The following STXBP5L variants were observed in gnomAD, a reference collection of about 807,000 sequenced individuals.
The protein encoded by STXBP5L is syntaxin-binding protein 5-like.
STXBP5L carries 65 observed loss-of-function variants against 144.5 expected under a neutral mutation model. The observed-to-expected ratio is 0.45, with a 90% CI of 0.37 to 0.55. The LOEUF is 0.55. STXBP5L is among the 20% of genes least tolerant of loss of function. STXBP5L has a pLI of 0.00. For missense variants in STXBP5L, 1,298 were observed against 1,405.5 expected, an observed-to-expected ratio of 0.92 and a Z score of 1.22; for synonymous variants, 505 against 469.6, an observed-to-expected ratio of 1.08 and a Z score of -0.97.
intron 17 of STXBP5L, 103 bp downstream of exon 17, chr3:121,257,436 C>T: frequency 9.3e-7 from 1 of 1,077,224 alleles, no homozygotes. Context: ...AAGCTATTGT[C>T]AGGTGATCTA....
intron 24 of STXBP5L, among the ~76,000 whole-genome samples, chr3:121,413,847 A>C (rs558134816): frequency 3.3e-5 from 5 of 152,314 alleles, no homozygotes; most frequent in Non-Finnish European, 5.9e-5. Flanking sequence ...TTTTAAAAGC[A>C]TCTTGGACAT....
chr3:121,179,965 T>C (rs367783634), intron 9 of STXBP5L, among the ~76,000 whole-genome samples: 5 of 152,230 alleles, frequency 3.3e-5, no homozygotes, highest in Middle Eastern at 3.4e-3. Context: ...CTAAGAATAA[T>C]TGGTGTTCCT....
intron 9 of STXBP5L, among the ~76,000 whole-genome samples, chr3:121,182,856 G>T (rs2047216468): frequency 6.6e-6 from 1 of 152,014 alleles, no homozygotes; most frequent in African/African-American, 2.4e-5. Context: ...ATCATTCAAG[G>T]CTACTATTAA....
At chr3:121,035,814 A>T (rs1576731057) in intron 3 of STXBP5L, among the ~76,000 whole-genome samples, 1 of 152,124 alleles carries the variant, frequency 6.6e-6, no homozygotes, top group South Asian at 2.1e-4. Flanking sequence ...ATTTTAATGA[A>T]TCTAGATCAA....
chr3:121,172,861 C>T (rs2046781248), intron 9 of STXBP5L, among the ~76,000 whole-genome samples: 1 of 152,188 alleles, frequency 6.6e-6, no homozygotes, highest in Non-Finnish European at 1.5e-5. Flanking sequence ...AATCATTCTA[C>T]TATAAAGACA....
chr3:121,077,047 C>T (rs186198215), intron 5 of STXBP5L, among the ~76,000 whole-genome samples: 57 of 152,290 alleles, frequency 3.7e-4, no homozygotes, highest in Middle Eastern at 6.8e-3. Flanking sequence ...TGCCTCCCAG[C>T]GTCACGCTCT....
intron 5 of STXBP5L, among the ~76,000 whole-genome samples, chr3:121,050,864 G>A (rs1481574395): frequency 5.9e-5 from 9 of 152,230 alleles, no homozygotes; most frequent in African/African-American, 2.2e-4. Context: ...GACACACATA[G>A]GCTCAAAATA....
At chr3:121,010,985 T>C (rs562192276) in intron 3 of STXBP5L, among the ~76,000 whole-genome samples, 31 of 151,194 alleles carry the variant, frequency 2.1e-4, no homozygotes, top group Non-Finnish European at 4.1e-4. Context: ...ATTGTACTTA[T>C]TGCTTTGGTG....
At chr3:121,202,364 T>C (rs944326553) in intron 9 of STXBP5L, among the ~76,000 whole-genome samples, 1 of 152,160 alleles carries the variant, frequency 6.6e-6, no homozygotes, top group Non-Finnish European at 1.5e-5. Flanking sequence ...GGCAAATATA[T>C]ATACAGATCT....
At chr3:121,044,205 A>T (rs1013349121) in intron 4 of STXBP5L, among the ~76,000 whole-genome samples, 1 of 151,892 alleles carries the variant, frequency 6.6e-6, no homozygotes, top group African/African-American at 2.4e-5. Context: ...CAAATCATAC[A>T]AATTTCTAAA....
At chr3:121,373,155 A>G (rs1013134363) in intron 20 of STXBP5L, among the ~76,000 whole-genome samples, 1 of 152,144 alleles carries the variant, frequency 6.6e-6, no homozygotes, top group Non-Finnish European at 1.5e-5. Flanking sequence ...AACAACAGGG[A>G]CCCTTTGAGG....
At chr3:121,400,507 G>A (rs2046846067) in intron 22 of STXBP5L, among the ~76,000 whole-genome samples, 1 of 152,172 alleles carries the variant, frequency 6.6e-6, no homozygotes. Flanking sequence ...AGACTTTCTG[G>A]GAGTCACCCC....
chr3:121,126,087 A>G (rs550258629), intron 7 of STXBP5L, among the ~76,000 whole-genome samples: 1 of 152,200 alleles, frequency 6.6e-6, no homozygotes, highest in African/African-American at 2.4e-5. Flanking sequence ...CAACCCTGAG[A>G]TTGCACTCCT....
At chr3:121,168,748 CCAAGCTGGAAAA>C (rs2046591928) in intron 9 of STXBP5L, among the ~76,000 whole-genome samples, 1 of 152,076 alleles carries the variant, frequency 6.6e-6, no homozygotes, top group Non-Finnish European at 1.5e-5. Context: ...GAGTATGGAA[CCAAGCTGGAAAA>C]CACTCTTCAG....
chr3:121,025,579 C>T (rs1368233887), intron 3 of STXBP5L, among the ~76,000 whole-genome samples: 2 of 151,964 alleles, frequency 1.3e-5, no homozygotes. Context: ...ATTTCTTACA[C>T]TTTATTCACT....
chr3:120,945,735 A>G (rs558235688), intron 2 of STXBP5L, among the ~76,000 whole-genome samples: 1 of 151,876 alleles, frequency 6.6e-6, no homozygotes, highest in African/African-American at 2.4e-5. Flanking sequence ...GGTTTTGGAG[A>G]CTCAAAGCCA....
At chr3:121,134,999 T>G (rs200972256) in intron 7 of STXBP5L, among the ~76,000 whole-genome samples, 15,066 of 152,192 alleles carry the variant, frequency 0.099, 1,157 homozygotes, top group Admixed American at 0.2. Flanking sequence ...CCACAATGGT[T>G]GAACTAGTTA....
chr3:121,279,750 A>T (rs1259878142), intron 18 of STXBP5L, 55 bp from the exon 19 acceptor site: 2 of 1,584,192 alleles, frequency 1.3e-6, no homozygotes, highest in Admixed American at 1.7e-5. Flanking sequence ...ATTTGAAGAT[A>T]AAAATAATCA....
chr3:121,117,015 T>G (rs1412848543), intron 6 of STXBP5L, among the ~76,000 whole-genome samples: 1 of 151,922 alleles, frequency 6.6e-6, no homozygotes. Context: ...TCACCACTCT[T>G]GCAATGCTGT....
Sources: gnomAD v4.1 joint callset for allele counts (sites outside exome capture counted in the v4.1 genomes callset) on GRCh38, gnomAD v4.1.1 for gene constraint, MANE v1.5 for transcripts, NCBI Gene and HGNC (gene_info 2026-07-23, HGNC 2026-07-21) for gene names.